Variants in ULK4 observed in about 807,000 individuals in gnomAD.
The protein encoded by ULK4 is inactive serine/threonine-protein kinase ULK4.
A neutral mutation model predicts 160.6 loss-of-function variants in ULK4; 133 were observed. That is an observed-to-expected ratio of 0.83 (90% CI 0.72 to 0.96). ULK4 has a LOEUF of 0.96. Among genes scored for constraint, ULK4 ranks in the 40% least tolerant of loss-of-function variants. The pLI is 0.00. For missense variants in ULK4, 1,580 were observed against 1,499.5 expected (o/e 1.05, Z -0.89); for synonymous variants, 534 against 539.8 (o/e 0.99, Z 0.15).
chr3:41,770,288 T>A (rs2039308419), intron 21 of ULK4, among the ~76,000 whole-genome samples: 2 of 152,132 alleles, frequency 1.3e-5, no homozygotes, highest in Non-Finnish European at 2.9e-5. Flanking sequence ...GCTTCAGGCT[T>A]ATTATTAATC....
chr3:41,679,613 G>C (rs761781868), intron 29 of ULK4, among the ~76,000 whole-genome samples: 2 of 152,096 alleles, frequency 1.3e-5, no homozygotes, highest in Non-Finnish European at 2.9e-5. Flanking sequence ...CATACTAAAG[G>C]AAATATTTAT....
chr3:41,744,353 T>C (rs1369594687), intron 22 of ULK4, among the ~76,000 whole-genome samples: 1 of 151,802 alleles, frequency 6.6e-6, no homozygotes, highest in Non-Finnish European at 1.5e-5. Context: ...AGTAAAAAAA[T>C]GAAAGCAGGT....
Position 41,530,600 on chromosome 3 carries a change from A to C in ULK4, c.3226+35425T>G, listed in dbSNP as rs189933595. On this transcript the variant is annotated intron_variant, in intron 32 of 36. Coordinates refer to ENST00000301831, the MANE Select transcript of ULK4 (RefSeq NM_017886.4). ...AATGTAATGTCACAGCCCAGCCTAC[A>C]GCTGAGTTCTCTGCCAACCTACAGA... is the stretch of plus-strand genomic sequence containing the variant. Among the ~76,000 whole-genome samples the C allele has an allele frequency of 3.7e-3, 563 of 152,292 alleles. 3 individuals carry two copies. The highest frequency in any genetic ancestry group is 0.013 in the African/African-American group (523 of 41,558).
intron 32 of ULK4, among the ~76,000 whole-genome samples, chr3:41,516,832 G>A (rs1055388161): frequency 1.3e-5 from 2 of 152,068 alleles, no homozygotes; most frequent in African/African-American, 2.4e-5. Flanking sequence ...TGTGTAATTG[G>A]TTTGTTTGTA....
At chr3:41,880,847 C>T (rs1350061647) in intron 17 of ULK4, among the ~76,000 whole-genome samples, 3 of 152,086 alleles carry the variant, frequency 2.0e-5, no homozygotes, top group East Asian at 1.9e-4. Context: ...CTCTTCAACC[C>T]GGGAGGCAGA....
chr3:41,469,670 A>AGTTGC (rs1300107810), intron 32 of ULK4, among the ~76,000 whole-genome samples: 3 of 149,854 alleles, frequency 2.0e-5, no homozygotes, highest in Admixed American at 6.7e-5. Flanking sequence ...TCAACTGCAC[A>AGTTGC]AACACCAATG....
chr3:41,706,425 C>A lies in ULK4; in HGVS notation c.2635-1120G>T, dbSNP rs570555854. On this transcript the variant is annotated intron_variant, in intron 25 of 36. Coordinates refer to ENST00000301831, the MANE Select transcript of ULK4 (RefSeq NM_017886.4). ...TATATATAATTAAATATATATTAAA[C>A]AAAATAACATATATTATTTTATATA... Among the ~76,000 whole-genome samples, 23 of 143,320 alleles carry A rather than the reference C, an allele frequency of 1.6e-4. No individual in the cohort carries two copies. The East Asian group carries it at 3.6e-3, about 22-fold the overall frequency. The allele number at this position is 143,320 out of a possible 152,430, so 94.0% of individuals were successfully genotyped here.
chr3:41,900,685 G>A (rs373546738), intron 13 of ULK4, 40 bp downstream of exon 13: 57 of 1,471,660 alleles, frequency 3.9e-5, no homozygotes, highest in Non-Finnish European at 5.1e-5. Context: ...TCAGATCTCA[G>A]TAAAGTCTAC....
intron 17 of ULK4, among the ~76,000 whole-genome samples, chr3:41,846,073 A>G (rs1028254875): frequency 6.6e-6 from 1 of 152,244 alleles, no homozygotes; most frequent in Admixed American, 6.5e-5. Context: ...AAATTGCTTT[A>G]GAACTCAATG....
intron 31 of ULK4, among the ~76,000 whole-genome samples, chr3:41,604,184 T>G (rs902385592): frequency 6.6e-6 from 1 of 152,068 alleles, no homozygotes; most frequent in Non-Finnish European, 1.5e-5. Flanking sequence ...CATAGCCTAT[T>G]TAGTAAACTA....
chr3:41,935,894 T>A lies in ULK4; in HGVS notation c.285A>T (p.Glu95Asp). 2 of 1,613,976 alleles carry A rather than the reference T, an allele frequency of 1.2e-6. No individual in the cohort carries two copies. Among genetic ancestry groups the A allele is most frequent in the Non-Finnish European group, 1.7e-6 (2 of 1,179,978 alleles). ...CAATTCCAAATTCTCTCACAACATC[T>A]TCTGGGAGGTTTTCATCTTGAGCAA... is the stretch of plus-strand genomic sequence containing the variant. ...TVIAQDENLP[E>D]DVVREFGIDL... Residue 95 changes from glutamate (E) to aspartate (D), a missense_variant, in exon 4 of 37, where the codon GAA (glutamate) becomes GAT (aspartate). Coordinates refer to ENST00000301831, the MANE Select transcript of ULK4 (RefSeq NM_017886.4).
chr3:41,431,547 C>CATTTTTTT lies in ULK4; in HGVS notation c.3492+23949_3492+23950insAAAAAAAT, dbSNP rs563543377. 8.2e-3 allele frequency among the ~76,000 whole-genome samples: 785 copies of CATTTTTTT among 95,850 alleles called. 54 individuals carry two copies. The highest frequency in any genetic ancestry group is 0.032 in the African/African-American group (746 of 23,674). 62.9% of individuals were successfully genotyped at this position (95,850 alleles called of 152,430 possible). On this transcript the variant is annotated intron_variant, in intron 34 of 36. Transcript: ENST00000301831. ...CCTGTGAGGTGTTGTAATTCCCTCC[C>CATTTTTTT]TTTTTTTTTTTTTTTGATGTGGAAA...
At chr3:41,666,074 A>T (rs747935152) in intron 29 of ULK4, among the ~76,000 whole-genome samples, 1 of 152,240 alleles carries the variant, frequency 6.6e-6, no homozygotes, top group Non-Finnish European at 1.5e-5. Flanking sequence ...TCCTCCCAGT[A>T]GCAATGTGTG....
chr3:41,663,838 C>T (rs1193880401), intron 29 of ULK4, 139 bp from the exon 30 acceptor site: 3 of 664,172 alleles, frequency 4.5e-6, no homozygotes, highest in Non-Finnish European at 7.6e-6. Flanking sequence ...AGTAATTTAC[C>T]TCTCATGTGC....
chr3:41,852,723 C>T (rs1446468654), intron 17 of ULK4, among the ~76,000 whole-genome samples: 1 of 152,072 alleles, frequency 6.6e-6, no homozygotes, highest in African/African-American at 2.4e-5. Flanking sequence ...GGGAGATGTG[C>T]TAAACTCTTG....
intron 34 of ULK4, among the ~76,000 whole-genome samples, chr3:41,449,744 G>T (rs1391104010): frequency 6.6e-6 from 1 of 151,716 alleles, no homozygotes; most frequent in Non-Finnish European, 1.5e-5. Flanking sequence ...AAACAGAAAT[G>T]AACTTTTTCT....
chr3:41,566,896 G>T (rs2087800384), intron 31 of ULK4, among the ~76,000 whole-genome samples: 1 of 152,064 alleles, frequency 6.6e-6, no homozygotes, highest in Non-Finnish European at 1.5e-5. Flanking sequence ...TTGCAGTCTG[G>T]AACTAGGATG....
chr3:41,377,630 T>C (rs1301578604), intron 35 of ULK4, among the ~76,000 whole-genome samples: 88 of 143,028 alleles, frequency 6.2e-4, no homozygotes, highest in African/African-American at 1.9e-3. Flanking sequence ...AAAATGCTCA[T>C]CATCACTGGC....
chr3:41,545,576 G>T (rs1404402345), intron 32 of ULK4, among the ~76,000 whole-genome samples: 1 of 152,024 alleles, frequency 6.6e-6, no homozygotes, highest in Non-Finnish European at 1.5e-5. Flanking sequence ...CCAATTTTTA[G>T]GAGTTTGACT....
Sources: gnomAD v4.1 joint callset for allele counts (sites outside exome capture counted in the v4.1 genomes callset) on GRCh38, gnomAD v4.1.1 for gene constraint, MANE v1.5 for transcripts, NCBI Gene and HGNC (gene_info 2026-07-23, HGNC 2026-07-21) for gene names.